Variants in FAF1 observed in about 807,000 individuals in gnomAD.
FAF1 encodes the protein Fas associated factor 1, also known as FAS-associated factor 1.
Under a neutral mutation model 92.5 loss-of-function variants are expected in FAF1, and 25 were observed. The ratio of observed to expected loss-of-function variants is 0.27; its 90% CI spans 0.20 to 0.38. The LOEUF (loss-of-function observed/expected upper bound fraction) is 0.38, where lower values mean the gene tolerates loss of function less well. FAF1 is among the 10% of genes least tolerant of loss of function. The pLI is 1.00. For missense variants in FAF1, 636 were observed against 793.3 expected, an observed-to-expected ratio of 0.80 and a Z score of 2.38; for synonymous variants, 234 against 273.2, an observed-to-expected ratio of 0.86 and a Z score of 1.42.
intron 3 of FAF1, among the ~76,000 whole-genome samples, chr1:50,791,947 C>G (rs2124579102): frequency 6.6e-6 from 1 of 152,306 alleles, no homozygotes; most frequent in Non-Finnish European, 1.5e-5. Context: ...CCTTGACCTT[C>G]AATTCACTGC....
chr1:50,735,771 CAG>C (rs1659112644), intron 6 of FAF1, among the ~76,000 whole-genome samples: 1 of 152,006 alleles, frequency 6.6e-6, no homozygotes, highest in South Asian at 2.1e-4. Context: ...GCTTAAAGTA[CAG>C]TGGCATGATC....
Position 50,596,221 on chromosome 1 carries a change from A to G in FAF1, c.745-5T>C. 6.2e-7 allele frequency: 1 copy of G among 1,600,686 alleles called. No individual in the cohort carries two copies. The highest frequency in any genetic ancestry group is 2.2e-5 in the East Asian group (1 of 44,800). On this transcript the variant is annotated splice_region_variant and splice_polypyrimidine_tract_variant and intron_variant, in intron 8 of 18. Transcript: ENST00000396153. ...CCCTGATTCAGCAAGACACATCTGC[A>G]AAAAGTAGAATCCATCATTTGTAAA...
intron 12 of FAF1, among the ~76,000 whole-genome samples, chr1:50,576,389 G>C (rs1650735016): frequency 1.3e-5 from 2 of 152,170 alleles, no homozygotes; most frequent in Non-Finnish European, 2.9e-5. Context: ...TCAGATCTTT[G>C]GAGCTGTAAT....
chr1:50,739,312 A>G (rs1186179040), intron 5 of FAF1, among the ~76,000 whole-genome samples: 1 of 152,042 alleles, frequency 6.6e-6, no homozygotes, highest in African/African-American at 2.4e-5. Context: ...ACGTACATGC[A>G]TATACATGTG....
chr1:50,448,762 T>C (rs1005540729), intron 18 of FAF1, among the ~76,000 whole-genome samples: 4 of 152,232 alleles, frequency 2.6e-5, no homozygotes, highest in Non-Finnish European at 5.9e-5. Flanking sequence ...GTGATATTTT[T>C]ATCCCCACCT....
chr1:50,930,396 T>C (rs1229111276), intron 1 of FAF1, among the ~76,000 whole-genome samples: 1 of 152,194 alleles, frequency 6.6e-6, no homozygotes, highest in African/African-American at 2.4e-5. Context: ...GAAAAAAAGC[T>C]CTGACTCAAA....
intron 4 of FAF1, among the ~76,000 whole-genome samples, chr1:50,770,093 A>C (rs1660725085): frequency 6.6e-6 from 1 of 152,094 alleles, no homozygotes; most frequent in Admixed American, 6.6e-5. Flanking sequence ...GGCCCTGAAG[A>C]AACATACTTC....
intron 4 of FAF1, among the ~76,000 whole-genome samples, chr1:50,775,244 T>C (rs1660913773): frequency 1.3e-5 from 2 of 152,130 alleles, no homozygotes; most frequent in African/African-American, 4.8e-5. Flanking sequence ...CATATATTCA[T>C]ATACTCATTT....
At chr1:50,596,948 G>A (rs891996925) in intron 8 of FAF1, among the ~76,000 whole-genome samples, 3 of 152,196 alleles carry the variant, frequency 2.0e-5, no homozygotes, top group African/African-American at 7.2e-5. Flanking sequence ...TTTGAAAAAT[G>A]TCTTGGGAAG....
chr1:50,590,509 T>C (rs1298062971), intron 9 of FAF1, among the ~76,000 whole-genome samples: 4 of 152,276 alleles, frequency 2.6e-5, no homozygotes, highest in Non-Finnish European at 4.4e-5. Flanking sequence ...GGTATTTTGC[T>C]GAATTCATTT....
intron 2 of FAF1, among the ~76,000 whole-genome samples, chr1:50,835,570 CAA>C (rs573942977): frequency 4.4e-4 from 24 of 54,896 alleles, no homozygotes; most frequent in African/African-American, 1.3e-3. Flanking sequence ...GACTCCATCT[CAA>C]AAAAAAAAAA....
intron 7 of FAF1, among the ~76,000 whole-genome samples, chr1:50,682,809 T>C (rs1195326059): frequency 6.6e-6 from 1 of 152,064 alleles, no homozygotes; most frequent in Non-Finnish European, 1.5e-5. Context: ...AAGATCTGAA[T>C]ATGGCCGGGC....
intron 6 of FAF1, among the ~76,000 whole-genome samples, chr1:50,724,578 G>A (rs1240999216): frequency 1.3e-5 from 2 of 152,184 alleles, no homozygotes; most frequent in African/African-American, 4.8e-5. Flanking sequence ...TCTGTTCACA[G>A]GGAAGATAAA....
At chr1:50,557,263 T>C (rs1293267872) in intron 13 of FAF1, among the ~76,000 whole-genome samples, 1 of 152,260 alleles carries the variant, frequency 6.6e-6, no homozygotes, top group East Asian at 1.9e-4. Context: ...TCTTAAATTG[T>C]TGCTGTAGCT....
At chr1:50,608,979 T>C (rs1420545722) in intron 8 of FAF1, among the ~76,000 whole-genome samples, 1 of 152,208 alleles carries the variant, frequency 6.6e-6, no homozygotes, top group Non-Finnish European at 1.5e-5. Context: ...AATATATCTA[T>C]CTATGCTTGA....
chr1:50,770,460 C>A (rs1660739490), intron 4 of FAF1, among the ~76,000 whole-genome samples: 1 of 152,158 alleles, frequency 6.6e-6, no homozygotes, highest in Non-Finnish European at 1.5e-5. Context: ...TACATACCTA[C>A]AATGTCCAAG....
At chr1:50,488,897 C>T (rs1017931638) in intron 17 of FAF1, among the ~76,000 whole-genome samples, 2 of 152,178 alleles carry the variant, frequency 1.3e-5, no homozygotes, top group Admixed American at 6.5e-5. Flanking sequence ...TATTGACAGT[C>T]CTCAGAGTGC....
chr1:50,826,322 G>A (rs569569783), intron 2 of FAF1, among the ~76,000 whole-genome samples: 36 of 151,980 alleles, frequency 2.4e-4, no homozygotes, highest in African/African-American at 6.5e-4. Context: ...AGGCTGAAGC[G>A]GGTGGATCAC....
intron 17 of FAF1, among the ~76,000 whole-genome samples, chr1:50,477,525 T>G (rs568855701): frequency 6.6e-6 from 1 of 152,188 alleles, no homozygotes; most frequent in African/African-American, 2.4e-5. Context: ...TTTTTTCTGA[T>G]AGCATGAGTA....
Sources: gnomAD v4.1 joint callset for allele counts (sites outside exome capture counted in the v4.1 genomes callset) on GRCh38, gnomAD v4.1.1 for gene constraint, MANE v1.5 for transcripts, NCBI Gene and HGNC (gene_info 2026-07-23, HGNC 2026-07-21) for gene names.